DOCK3: variants seen among roughly 807,000 people sequenced by gnomAD.
DOCK3 encodes dedicator of cytokinesis 3, also known as dedicator of cytokinesis protein 3.
A neutral mutation model predicts 265.6 loss-of-function variants in DOCK3; 60 were observed. The ratio of observed to expected loss-of-function variants is 0.23; its 90% CI spans 0.18 to 0.28. The LOEUF (loss-of-function observed/expected upper bound fraction) is 0.28. Ranked by LOEUF, DOCK3 falls within the 10% of genes least tolerant of loss-of-function variation. DOCK3 has a pLI of 1.00. For synonymous variants in DOCK3, 881 were observed against 938.0 expected, an observed-to-expected ratio of 0.94 and a Z score of 1.11; for missense variants, 1,981 against 2,594.3, an observed-to-expected ratio of 0.76 and a Z score of 5.14.
rs543785882 is a variant in DOCK3, at chr3:51,184,327, A to G, written c.1037+23625A>G. Among the ~76,000 whole-genome samples, 117 of 151,614 alleles carry G rather than the reference A, an allele frequency of 7.7e-4. 1 individual carries two copies. The highest frequency in any genetic ancestry group is 1.1e-3 in the Non-Finnish European group (76 of 67,858). On this transcript the variant is annotated intron_variant, in intron 12 of 52. Transcript: ENST00000266037. ...AGTCTGCTTTGAAACAAAAAAAAAA[A>G]AAAGAAAGAAAAAAAACCAGGGCTC...
chr3:51,319,476 T>C (rs907641930), intron 32 of DOCK3, among the ~76,000 whole-genome samples: 1 of 151,478 alleles, frequency 6.6e-6, no homozygotes, highest in African/African-American at 2.4e-5. Context: ...CAGCTGAAGA[T>C]GGGGCTGGGT....
At chr3:51,233,003 A>G (rs1418410493) in intron 19 of DOCK3, among the ~76,000 whole-genome samples, 1 of 152,182 alleles carries the variant, frequency 6.6e-6, no homozygotes, top group Non-Finnish European at 1.5e-5. Flanking sequence ...TTATACCAGT[A>G]TGATGCATTT....
intron 27 of DOCK3, among the ~76,000 whole-genome samples, chr3:51,301,257 G>C (rs1301979835): frequency 6.6e-6 from 1 of 151,878 alleles, no homozygotes; most frequent in Non-Finnish European, 1.5e-5. Flanking sequence ...TATCCCCTTT[G>C]TCATTTTTAT....
rs534309329 is a variant in DOCK3 at position 51,047,774 on chromosome 3, C to G, written c.316-16674C>G. 2.6e-5 allele frequency among the ~76,000 whole-genome samples: 4 copies of G among 151,982 alleles called. No homozygotes were observed. In the East Asian group the frequency reaches 5.8e-4, roughly 22 times the overall value. The stretch of plus-strand genomic sequence containing the variant: ...AAAAATCTCCCAACAGAGGAAATCC[C>G]GGGACCAGATGGCTTAACAGCTGAA... On this transcript the variant is annotated intron_variant, in intron 5 of 52. Transcript: ENST00000266037.
At chr3:50,998,896 T>G (rs1273902730) in intron 5 of DOCK3, among the ~76,000 whole-genome samples, 1 of 152,248 alleles carries the variant, frequency 6.6e-6, no homozygotes, top group Admixed American at 6.5e-5. Flanking sequence ...CCTTTGGACA[T>G]TGTTCTGGTT....
intron 3 of DOCK3, among the ~76,000 whole-genome samples, chr3:50,858,790 G>A (rs1398950421): frequency 6.6e-6 from 1 of 152,124 alleles, no homozygotes; most frequent in African/African-American, 2.4e-5. Context: ...GGATGCCAAT[G>A]ATTCATAGAT....
At chr3:51,204,779 A>G (rs1368428955) in intron 12 of DOCK3, among the ~76,000 whole-genome samples, 4 of 151,916 alleles carry the variant, frequency 2.6e-5, no homozygotes, top group East Asian at 1.9e-4. Context: ...ATGTACAACA[A>G]TGATAGACTG....
chr3:51,032,774 G>A (rs1360253677), intron 5 of DOCK3, among the ~76,000 whole-genome samples: 3 of 152,052 alleles, frequency 2.0e-5, no homozygotes, highest in African/African-American at 7.2e-5. Flanking sequence ...AGCCAGGCAT[G>A]GTGGCACCTG....
chr3:51,187,645 G>T (rs139929957), intron 12 of DOCK3, among the ~76,000 whole-genome samples: 1 of 152,032 alleles, frequency 6.6e-6, no homozygotes, highest in Non-Finnish European at 1.5e-5. Flanking sequence ...GGAGGGACCC[G>T]GTGGGAGATG....
At chr3:50,959,061 G>A (rs1024456423) in intron 5 of DOCK3, among the ~76,000 whole-genome samples, 2 of 152,110 alleles carry the variant, frequency 1.3e-5, no homozygotes, top group Non-Finnish European at 2.9e-5. Context: ...CCCATTTGCC[G>A]TCATTCCTCA....
chr3:51,258,382 C>A (rs2079663719), intron 22 of DOCK3, among the ~76,000 whole-genome samples: 1 of 152,164 alleles, frequency 6.6e-6, no homozygotes, highest in Admixed American at 6.5e-5. Context: ...GGGGCTTGGG[C>A]ATATGACAGT....
At chr3:51,126,759 G>T (rs1003988268) in intron 9 of DOCK3, among the ~76,000 whole-genome samples, 1 of 152,088 alleles carries the variant, frequency 6.6e-6, no homozygotes, top group East Asian at 1.9e-4. Context: ...TCATAAGTAC[G>T]TGATTTCTTT....
chr3:50,930,107 C>T (rs961675499), intron 4 of DOCK3, among the ~76,000 whole-genome samples: 1 of 152,128 alleles, frequency 6.6e-6, no homozygotes, highest in Non-Finnish European at 1.5e-5. Context: ...ATAAGTCCTA[C>T]GTCTTAGAAC....
At chr3:50,813,942 CAG>C (rs2043911542) in intron 2 of DOCK3, among the ~76,000 whole-genome samples, 1 of 151,996 alleles carries the variant, frequency 6.6e-6, no homozygotes, top group Non-Finnish European at 1.5e-5. Context: ...TAGAAATAAA[CAG>C]TGCATAAGAA....
intron 5 of DOCK3, among the ~76,000 whole-genome samples, chr3:51,046,796 A>G (rs1220316522): frequency 6.6e-6 from 1 of 152,158 alleles, no homozygotes; most frequent in East Asian, 1.9e-4. Context: ...TTCATTCTCC[A>G]GGATAGATCA....
At chr3:50,911,579 C>G (rs1170056929) in intron 4 of DOCK3, among the ~76,000 whole-genome samples, 1 of 151,964 alleles carries the variant, frequency 6.6e-6, no homozygotes, top group Non-Finnish European at 1.5e-5. Flanking sequence ...ATTTTGAAGT[C>G]AGGTAGTGTG....
At chr3:51,134,507 A>G (rs1327010774) in intron 9 of DOCK3, among the ~76,000 whole-genome samples, 1 of 152,208 alleles carries the variant, frequency 6.6e-6, no homozygotes, top group Admixed American at 6.5e-5. Context: ...GCAAATCATT[A>G]CCTATGTCTC....
chr3:51,140,951 G>T (rs934964225), intron 9 of DOCK3, among the ~76,000 whole-genome samples: 7 of 151,852 alleles, frequency 4.6e-5, no homozygotes, highest in Admixed American at 4.6e-4. Flanking sequence ...TTTTATTATT[G>T]AATTTTAAGA....
intron 10 of DOCK3, among the ~76,000 whole-genome samples, chr3:51,155,692 G>C (rs989277021): frequency 6.6e-6 from 1 of 152,184 alleles, no homozygotes; most frequent in Admixed American, 6.5e-5. Flanking sequence ...GACTTGGTTA[G>C]ATTTTAGGGT....
Sources: allele counts gnomAD v4.1 joint callset (sites outside exome capture counted in the v4.1 genomes callset), GRCh38; gene constraint gnomAD v4.1.1; transcripts MANE v1.5; gene names NCBI Gene and HGNC (gene_info 2026-07-23, HGNC 2026-07-21).